The following PTPRD variants were observed in gnomAD, a reference collection of about 807,000 sequenced individuals.
PTPRD encodes protein tyrosine phosphatase receptor type D, also known as receptor-type tyrosine-protein phosphatase delta.
In PTPRD, 34 loss-of-function variants were observed where a neutral mutation model predicts 214.5. The observed-to-expected ratio is 0.16, with a 90% CI of 0.12 to 0.21. The LOEUF (loss-of-function observed/expected upper bound fraction) is 0.21, where lower values mean the gene tolerates loss of function less well. Ranked by LOEUF, PTPRD falls within the 10% of genes least tolerant of loss-of-function variation. The pLI, the probability that PTPRD is intolerant of heterozygous loss-of-function variation, is 1.00. For missense variants in PTPRD, 2,545 were observed against 2,398.7 expected (o/e 1.06, Z -1.27); for synonymous variants, 1,128 against 845.7 (o/e 1.33, Z -5.79).
At chr9:9,598,171 A>C (rs899819046) in intron 7 of PTPRD, among the ~76,000 whole-genome samples, 4 of 151,992 alleles carry the variant, frequency 2.6e-5, no homozygotes, top group African/African-American at 9.7e-5. Context: ...CATGGCACAG[A>C]GGTACAAGAA....
chr9:8,930,775 G>C (rs184949383), intron 11 of PTPRD, among the ~76,000 whole-genome samples: 12 of 152,226 alleles, frequency 7.9e-5, no homozygotes, highest in African/African-American at 2.9e-4. Flanking sequence ...AGAAGTGTCT[G>C]TTCATATCCT....
intron 11 of PTPRD, among the ~76,000 whole-genome samples, chr9:8,896,843 A>T (rs1190511147): frequency 2.0e-5 from 3 of 152,174 alleles, no homozygotes; most frequent in Non-Finnish European, 4.4e-5. Context: ...GTTATTTTTC[A>T]TCAGAAATGA....
At chr9:9,273,823 G>A (rs538136032) in intron 9 of PTPRD, among the ~76,000 whole-genome samples, 1 of 151,316 alleles carries the variant, frequency 6.6e-6, no homozygotes, top group African/African-American at 2.4e-5. Context: ...TAGGAGTTTT[G>A]ACCCATTCTT....
intron 8 of PTPRD, among the ~76,000 whole-genome samples, chr9:9,436,769 TA>T: frequency 6.6e-6 from 1 of 152,176 alleles, no homozygotes; most frequent in East Asian, 1.9e-4. Context: ...ACACAGCACA[TA>T]TGCATACATT....
chr9:8,771,037 C>A (rs1234989773), intron 11 of PTPRD, among the ~76,000 whole-genome samples: 1 of 151,766 alleles, frequency 6.6e-6, no homozygotes, highest in Admixed American at 6.6e-5. Context: ...AAAAATTAGC[C>A]GGGCGTGGTG....
intron 7 of PTPRD, among the ~76,000 whole-genome samples, chr9:9,700,914 C>G (rs963285815): frequency 4.0e-5 from 6 of 151,864 alleles, no homozygotes; most frequent in Non-Finnish European, 8.8e-5. Context: ...TGTAAACAAA[C>G]CATTACAATA....
chr9:8,954,664 C>G (rs10977398), intron 11 of PTPRD, among the ~76,000 whole-genome samples: 8 of 151,730 alleles, frequency 5.3e-5, no homozygotes, highest in African/African-American at 1.9e-4. Flanking sequence ...ACTTTCAAAA[C>G]CAACATATTA....
At chr9:9,498,280 G>T (rs1479293442) in intron 8 of PTPRD, among the ~76,000 whole-genome samples, 1 of 152,080 alleles carries the variant, frequency 6.6e-6, no homozygotes, top group Non-Finnish European at 1.5e-5. Context: ...ACGCAGTCTT[G>T]TAAGCCAAGT....
chr9:10,561,357 G>T (rs938854302), intron 2 of PTPRD, among the ~76,000 whole-genome samples: 1 of 149,526 alleles, frequency 6.7e-6, no homozygotes, highest in African/African-American at 2.4e-5. Context: ...TTTTGACATG[G>T]AGTAGTCTCA....
At chr9:9,726,427 C>G (rs1478195605) in intron 7 of PTPRD, among the ~76,000 whole-genome samples, 1 of 150,580 alleles carries the variant, frequency 6.6e-6, no homozygotes, top group Non-Finnish European at 1.5e-5. Context: ...TGTCTATACT[C>G]CATATTAGCA....
intron 14 of PTPRD, among the ~76,000 whole-genome samples, chr9:8,558,620 A>C (rs953239926): frequency 1.3e-5 from 2 of 152,246 alleles, no homozygotes; most frequent in African/African-American, 4.8e-5. Context: ...GGCCAGATGA[A>C]GCCTAGAACC....
intron 10 of PTPRD, among the ~76,000 whole-genome samples, chr9:9,147,831 T>A (rs1287033119): frequency 6.6e-6 from 1 of 152,176 alleles, no homozygotes; most frequent in Admixed American, 6.5e-5. Context: ...TCAATCAGCA[T>A]CACTAGGAAA....
At chr9:9,532,410 G>A (rs527453031) in intron 8 of PTPRD, among the ~76,000 whole-genome samples, 23 of 152,202 alleles carry the variant, frequency 1.5e-4, no homozygotes, top group East Asian at 3.9e-4. Context: ...CCAAACTGGC[G>A]TCCTGCCCAA....
chr9:9,330,050 T>G (rs1303049719), intron 9 of PTPRD, among the ~76,000 whole-genome samples: 2 of 152,148 alleles, frequency 1.3e-5, no homozygotes, highest in African/African-American at 2.4e-5. Context: ...GGATGGCGGA[T>G]TGGGTTTACG....
chr9:9,128,668 T>C (rs1178968790), intron 10 of PTPRD, among the ~76,000 whole-genome samples: 1 of 152,230 alleles, frequency 6.6e-6, no homozygotes, highest in Non-Finnish European at 1.5e-5. Flanking sequence ...TATACAATAC[T>C]TGTGATGACA....
chr9:9,192,610 A>T (rs948663812), intron 9 of PTPRD, among the ~76,000 whole-genome samples: 3 of 152,112 alleles, frequency 2.0e-5, no homozygotes, highest in African/African-American at 7.2e-5. Flanking sequence ...AGATGATGAG[A>T]CAATAAAACA....
At chr9:9,048,915 C>A (rs1479019021) in intron 10 of PTPRD, among the ~76,000 whole-genome samples, 1 of 152,142 alleles carries the variant, frequency 6.6e-6, no homozygotes, top group East Asian at 1.9e-4. Context: ...CAAAACATCT[C>A]ATGTACCCCA....
At chr9:8,708,878 C>G (rs185672232) in intron 12 of PTPRD, among the ~76,000 whole-genome samples, 1 of 151,866 alleles carries the variant, frequency 6.6e-6, no homozygotes, top group Non-Finnish European at 1.5e-5. Flanking sequence ...ATAAAGAAAA[C>G]GTCCTATTAT....
chr9:10,379,315 G>T (rs1479636165), intron 2 of PTPRD, among the ~76,000 whole-genome samples: 1 of 151,512 alleles, frequency 6.6e-6, no homozygotes, highest in East Asian at 2.0e-4. Context: ...TACAAACAAG[G>T]ATAATTCTAC....
Sources: gnomAD v4.1 joint callset for allele counts (sites outside exome capture counted in the v4.1 genomes callset) on GRCh38, gnomAD v4.1.1 for gene constraint, MANE v1.5 for transcripts, NCBI Gene and HGNC (gene_info 2026-07-23, HGNC 2026-07-21) for gene names.